Variants in RCL1 observed in about 807,000 individuals in gnomAD.
RCL1 encodes RNA terminal phosphate cyclase like 1.
In RCL1, 24 loss-of-function variants were observed where a neutral mutation model predicts 42.4. The observed-to-expected ratio is 0.57, with a 90% CI of 0.41 to 0.80. The LOEUF is 0.80. Among genes scored for constraint, RCL1 ranks in the 30% least tolerant of loss-of-function variants. RCL1 has a pLI of 0.00. For synonymous variants in RCL1, 228 were observed against 177.3 expected, an observed-to-expected ratio of 1.29 and a Z score of -2.27; for missense variants, 578 against 467.9, an observed-to-expected ratio of 1.24 and a Z score of -2.17.
intron 8 of RCL1, among the ~76,000 whole-genome samples, chr9:4,853,215 G>A (rs1444213495): frequency 6.6e-6 from 1 of 152,050 alleles, no homozygotes; most frequent in Admixed American, 6.5e-5. Context: ...CAGGTGATGG[G>A]ATTGAGGCAC....
Position 4,823,636 on chromosome 9 carries a change from T to A in RCL1, c.208+17T>A. 6.3e-7 allele frequency: 1 copy of A among 1,580,366 alleles called. No homozygotes were observed. The highest frequency in any genetic ancestry group is 8.7e-7 in the Non-Finnish European group (1 of 1,155,026). ...ACCAAACAGGTAAGCTCCTTTTAGA[T>A]TCCTAAAAGCACCTCCATGCACTAA... is the stretch of plus-strand genomic sequence containing the variant. On this transcript the variant is annotated intron_variant, in intron 2 of 8. Transcript: ENST00000381750.
Position 4,844,581 on chromosome 9 carries a change from G to A in RCL1, c.767G>A (p.Ser256Asn), listed in dbSNP as rs764864273. The change falls in exon 7 of 9, where the codon AGT (serine) becomes AAT (asparagine). Residue 256 changes from serine to asparagine, a missense_variant. Coordinates refer to ENST00000381750, the MANE Select transcript of RCL1 (RefSeq NM_005772.5). ...VAETTSGTFL[S>N]AELASNPQGQ... ...GAGACCACCAGTGGCACCTTCCTCA[G>A]TGCTGAACTGGCCTCCAACCCCCAG... is the stretch of plus-strand genomic sequence containing the variant. 7 of 1,614,070 alleles carry A rather than the reference G, an allele frequency of 4.3e-6. No homozygotes were observed. The highest frequency in any genetic ancestry group is 1.7e-6 in the Non-Finnish European group (2 of 1,179,994).
intron 8 of RCL1, among the ~76,000 whole-genome samples, chr9:4,851,017 T>C (rs1463249773): frequency 6.6e-6 from 1 of 152,208 alleles, no homozygotes; most frequent in Non-Finnish European, 1.5e-5. Context: ...TATGTTTTTT[T>C]TCGTGACACT....
At chr9:4,824,734 T>A (rs978099661) in intron 2 of RCL1, among the ~76,000 whole-genome samples, 1 of 152,228 alleles carries the variant, frequency 6.6e-6, no homozygotes, top group African/African-American at 2.4e-5. Flanking sequence ...ACATGAGATA[T>A]TCTGATCTAT....
intron 3 of RCL1, among the ~76,000 whole-genome samples, chr9:4,828,580 G>C (rs547863237): frequency 6.8e-6 from 1 of 147,616 alleles, no homozygotes; most frequent in Admixed American, 6.8e-5. Flanking sequence ...GAAGACTATA[G>C]GAAATGAGTT....
chr9:4,811,079 C>T (rs957430970), intron 1 of RCL1, among the ~76,000 whole-genome samples: 5 of 151,890 alleles, frequency 3.3e-5, no homozygotes, highest in Non-Finnish European at 7.4e-5. Flanking sequence ...TGAAAATATA[C>T]ACCAGCCTGG....
chr9:4,852,550 C>T (rs1158390765), intron 8 of RCL1, among the ~76,000 whole-genome samples: 3 of 152,106 alleles, frequency 2.0e-5, no homozygotes, highest in Non-Finnish European at 4.4e-5. Context: ...TACCAGGAGA[C>T]CGTGGAAATG....
chr9:4,820,535 G>A (rs973726176), intron 1 of RCL1, among the ~76,000 whole-genome samples: 7 of 152,272 alleles, frequency 4.6e-5, no homozygotes, highest in African/African-American at 1.2e-4. Flanking sequence ...GTAAGAGTCC[G>A]TGTGGATTGC....
intron 8 of RCL1, among the ~76,000 whole-genome samples, chr9:4,858,938 G>C (rs1818059395): frequency 6.6e-6 from 1 of 152,220 alleles, no homozygotes; most frequent in African/African-American, 2.4e-5. Context: ...TGGCCTCTAT[G>C]AACTGGGGAG....
intron 1 of RCL1, among the ~76,000 whole-genome samples, chr9:4,807,280 A>T (rs1403791766): frequency 6.6e-6 from 1 of 151,424 alleles, no homozygotes; most frequent in African/African-American, 2.4e-5. Flanking sequence ...GTTCTTTATT[A>T]TTTCCTTCCT....
intron 1 of RCL1, among the ~76,000 whole-genome samples, chr9:4,815,468 A>G (rs1234783507): frequency 2.7e-5 from 4 of 149,954 alleles, no homozygotes; most frequent in Non-Finnish European, 5.9e-5. Flanking sequence ...TTTTTTTTGC[A>G]ACTGCAAATT....
chr9:4,823,725 C>G lies in RCL1; in HGVS notation c.208+106C>G, dbSNP rs1206005570. The G allele has an allele frequency of 4.3e-6, 3 of 702,264 alleles. No homozygotes were observed. In the African/African-American group the frequency reaches 5.5e-5, roughly 13 times the overall value. The allele number at this position is 702,264 out of a possible 1,614,324, so 43.5% of individuals were successfully genotyped here. ...TTTTTCTAGTCAGTCTCTGCTTATC[C>G]AAATCACTCTTTTTAATGGTATAAA... On this transcript the variant is annotated intron_variant, in intron 2 of 8. Transcript: ENST00000381750.
intron 1 of RCL1, among the ~76,000 whole-genome samples, chr9:4,798,878 CTTT>C (rs33938649): frequency 7.4e-4 from 103 of 139,706 alleles, no homozygotes; most frequent in Admixed American, 8.5e-4. Context: ...AAGACTTCTT[CTTT>C]TTTTTTTTTT....
chr9:4,807,006 T>A (rs1815998683), intron 1 of RCL1, among the ~76,000 whole-genome samples: 1 of 152,242 alleles, frequency 6.6e-6, no homozygotes, highest in Admixed American at 6.5e-5. Context: ...CCGTTTCATC[T>A]AACTTGTTGA....
chr9:4,814,909 T>A (rs1024815501), intron 1 of RCL1, among the ~76,000 whole-genome samples: 10 of 152,096 alleles, frequency 6.6e-5, no homozygotes. Flanking sequence ...CGTTTTTTTT[T>A]TCTTTCAGCA....
rs112171947 is a variant in RCL1 at position 4,847,626 on chromosome 9, C to T, written c.868-1821C>T. Among the ~76,000 whole-genome samples, 345 of 152,358 alleles carry T rather than the reference C, an allele frequency of 2.3e-3. No individual in the cohort carries two copies. In the Middle Eastern group the frequency reaches 0.027, roughly 12 times the overall value. ...AGAAGTTCTTTCCAAATCCTAACAT[C>T]CTTTTCAGGCTAAAATACTGATCTG... is the stretch of plus-strand genomic sequence containing the variant. On this transcript the variant is annotated intron_variant, in intron 7 of 8. Transcript: ENST00000381750.
rs1368651792 is a variant in RCL1, at chr9:4,850,499, T to C, written c.971+949T>C. Reference sequence around the variant, plus strand: ...TATGGAGGCTTTTTTTTTTCTTTTTTTTTTTTTTTTTGGAATTCGTGGTGG... The same window carrying C: ...TATGGAGGCTTTTTTTTTTCTTTTTCTTTTTTTTTTTGGAATTCGTGGTGG... On this transcript the variant is annotated intron_variant, in intron 8 of 8. Transcript: ENST00000381750. 9.6e-4 allele frequency: 221 copies of C among 230,552 alleles called. 3 individuals are homozygous for C. Among genetic ancestry groups the C allele is most frequent in the African/African-American group, 4.7e-3 (208 of 43,978 alleles). The allele number at this position is 230,552 out of a possible 1,614,324, so 14.3% of individuals were successfully genotyped here.
chr9:4,823,798 A>G (rs1038419349), intron 2 of RCL1, among the ~76,000 whole-genome samples, 179 bp downstream of exon 2: 1 of 152,092 alleles, frequency 6.6e-6, no homozygotes, highest in Non-Finnish European at 1.5e-5. Flanking sequence ...ATAAATCACC[A>G]TTAAATTAGA....
At chr9:4,836,436 G>A (rs1481815365) in intron 5 of RCL1, among the ~76,000 whole-genome samples, 1 of 152,178 alleles carries the variant, frequency 6.6e-6, no homozygotes, top group Non-Finnish European at 1.5e-5. Context: ...CAGATCTAGT[G>A]GAAATAGATA....
Sources: gnomAD v4.1 joint callset for allele counts (sites outside exome capture counted in the v4.1 genomes callset) on GRCh38, gnomAD v4.1.1 for gene constraint, MANE v1.5 for transcripts, NCBI Gene and HGNC (gene_info 2026-07-23, HGNC 2026-07-21) for gene names.